Variants in MOG observed in about 807,000 individuals in gnomAD.
The protein encoded by MOG is myelin-oligodendrocyte glycoprotein.
A neutral mutation model predicts 35.9 loss-of-function variants in MOG; 20 were observed. The observed-to-expected ratio is 0.56, with a 90% CI of 0.39 to 0.81. The LOEUF (loss-of-function observed/expected upper bound fraction) is 0.81. Among genes scored for constraint, MOG ranks in the 30% least tolerant of loss-of-function variants. The probability of loss-of-function intolerance (pLI) is 0.00; values close to 1 mark genes in which losing one functional copy is unlikely to be tolerated. For missense variants in MOG, 251 were observed against 301.0 expected (o/e 0.83, Z 1.23); for synonymous variants, 92 against 114.3 (o/e 0.80, Z 1.25).
In MOG at chr6:29,670,851, G is replaced by A; in HGVS notation, c.730+130G>A. 6.3e-7 allele frequency: 1 copy of A among 1,580,002 alleles called. No individual in the cohort carries two copies. The highest frequency in any genetic ancestry group is 1.1e-5 in the South Asian group (1 of 87,538). ...GGAAAGGAGGAGCTGGAGAGCCTGG[G>A]TGGAGGGAAGACTCCTCCTGGGAGG... On this transcript the variant is annotated intron_variant, in intron 7 of 7. Transcript: ENST00000376917. This position sits in a 1 kb window ranked among gnomAD's most constrained non-coding sequence, Gnocchi z 4.2.
In MOG at chr6:29,669,528, TG is replaced by T. The variant is rs569429885; in HGVS notation, c.593-752del. ...CTGGTCTTGAACCCCTGACCTCAGG[TG>T]ATCTGCCTGCCTTGGCCTTCCAAAG... On this transcript the variant is annotated intron_variant, in intron 5 of 7. Transcript: ENST00000376917. Among the ~76,000 whole-genome samples the T allele has an allele frequency of 2.2e-3, 336 of 151,648 alleles. 8 individuals are homozygous for T. Among genetic ancestry groups the T allele is most frequent in the Middle Eastern group, 0.014 (4 of 290 alleles).
intron 5 of MOG, among the ~76,000 whole-genome samples, chr6:29,668,893 G>A (rs536988895): frequency 7.3e-5 from 11 of 151,132 alleles, no homozygotes; most frequent in African/African-American, 2.4e-4. Flanking sequence ...GTTATCAACC[G>A]ATAATCACAT....
intron 2 of MOG, among the ~76,000 whole-genome samples, chr6:29,660,270 C>T (rs1047646982): frequency 1.3e-4 from 19 of 151,736 alleles, no homozygotes; most frequent in African/African-American, 4.1e-4. Flanking sequence ...GCCTGTAATC[C>T]CAGCACTGTG....
intron 2 of MOG, among the ~76,000 whole-genome samples, chr6:29,663,590 G>T (rs993872744): frequency 9.9e-4 from 150 of 152,248 alleles, no homozygotes; most frequent in African/African-American, 3.5e-3. Context: ...AGATGTGGAG[G>T]TGCAATGACA....
rs776091726 is a variant in MOG at position 29,666,193 on chromosome 6, G to A, written c.478G>A (p.Ala160Thr). Reference sequence around the variant, plus strand: ...GAGCCCTGGAGTGCTGGTTCTCCTCGCGGTGCTGCCTGTGCTCCTCCTGCA... The same window carrying A: ...GAGCCCTGGAGTGCTGGTTCTCCTCACGGTGCTGCCTGTGCTCCTCCTGCA... ...WVSPGVLVLL[A>T]VLPVLLLQIT... Residue 160 changes from alanine to threonine, a missense_variant, in exon 3 of 8, where the codon GCG becomes ACG. Ala to Thr is a moderately conservative substitution (Grantham distance 58, BLOSUM62 0). Transcript: ENST00000376917. 2.5e-5 allele frequency: 41 copies of A among 1,612,772 alleles called. No individual in the cohort carries two copies. Among genetic ancestry groups the A allele is most frequent in the Admixed American group, 5.0e-5 (3 of 59,990 alleles).
Position 29,670,135 on chromosome 6 carries a change from C to G in MOG, c.593-146C>G. On this transcript the variant is annotated intron_variant, in intron 5 of 7. Coordinates refer to ENST00000376917, the MANE Select transcript of MOG (RefSeq NM_206809.4). This position sits in a 1 kb window ranked among gnomAD's most constrained non-coding sequence, Gnocchi z 4.2. ...TTGAAAATAAGGAGGCAGTACTTTT[C>G]TCATCCAAGTTCATGGACTTTCTGA... 2.2e-6 allele frequency: 3 copies of G among 1,359,146 alleles called. No individual in the cohort carries two copies. The highest frequency in any genetic ancestry group is 1.8e-4 in the Middle Eastern group (1 of 5,484). 84.2% of individuals were successfully genotyped at this position (1,359,146 alleles called of 1,614,324 possible).
At chr6:29,668,018 T>C in intron 5 of MOG, 94 bp downstream of exon 5, 6 of 1,151,646 alleles carry the variant, frequency 5.2e-6, no homozygotes, top group Non-Finnish European at 7.9e-6. Context: ...GGCTCCTGGT[T>C]GAGTCCCTTC....
chr6:29,659,816 C>T (rs1024028471), intron 2 of MOG, 150 bp downstream of exon 2: 2 of 706,456 alleles, frequency 2.8e-6, no homozygotes, highest in Admixed American at 4.4e-5. Flanking sequence ...GAAACTCATG[C>T]TTAGGGATGT....
chr6:29,659,239 G>A (rs1767917298), intron 1 of MOG, 80 bp from the exon 2 acceptor site: 2 of 1,324,618 alleles, frequency 1.5e-6, no homozygotes, highest in African/African-American at 1.4e-5. Context: ...TCCCTGTTTT[G>A]AAGCAGCCCT....
intron 2 of MOG, among the ~76,000 whole-genome samples, chr6:29,661,080 T>A (rs1388175361): frequency 6.6e-6 from 1 of 152,176 alleles, no homozygotes; most frequent in Non-Finnish European, 1.5e-5. Context: ...TATCGCAGGA[T>A]GATTAAGATG....
rs115665861 is a variant in MOG at position 29,671,639 on chromosome 6, G to C, written c.*454G>C. The stretch of plus-strand genomic sequence containing the variant: ...CGCAAAACTGAAAGGCATGTGAAGG[G>C]AAGGAAGAGGAAGAGTGCAAAACAT... On this transcript the variant is annotated 3_prime_UTR_variant, in exon 8 of 8. Transcript: ENST00000376917. 3.2e-6 allele frequency: 2 copies of C among 629,866 alleles called. No individual in the cohort carries two copies. The highest frequency in any genetic ancestry group is 3.7e-5 in the South Asian group (2 of 53,590). The allele number at this position is 629,866 out of a possible 1,614,324, so 39.0% of individuals were successfully genotyped here. A position where few individuals can be genotyped will look rare whatever the true frequency, so the allele number is the denominator to read the frequency against.
chr6:29,666,157 T>G lies in MOG; in HGVS notation c.442T>G (p.Phe148Val), dbSNP rs755254365. 6.2e-7 allele frequency: 1 copy of G among 1,610,532 alleles called. No homozygotes were observed. Among genetic ancestry groups the G allele is most frequent in the Non-Finnish European group, 8.5e-7 (1 of 1,177,792 alleles). The stretch of plus-strand genomic sequence containing the variant: ...ATGTCAGTCCTGCCTTTCAGATCCT[T>G]TCTACTGGGTGAGCCCTGGAGTGCT... Reference protein sequence around the residue: ...AAMELKVEDPFYWVSPGVLVL... With the variant: ...AAMELKVEDPVYWVSPGVLVL... Residue 148 changes from phenylalanine to valine, a missense_variant, in exon 3 of 8, where the codon TTC (phenylalanine) becomes GTC (valine). Phe to Val is a conservative substitution (Grantham distance 50). Coordinates refer to ENST00000376917, the MANE Select transcript of MOG (RefSeq NM_206809.4).
At chr6:29,667,093 C>T (rs1185412650) in intron 3 of MOG, among the ~76,000 whole-genome samples, 1 of 152,198 alleles carries the variant, frequency 6.6e-6, no homozygotes, top group Non-Finnish European at 1.5e-5. Flanking sequence ...GTCAGGCAGC[C>T]TGGGTTTGAA....
rs1771493944 is a variant in MOG at position 29,671,708 on chromosome 6, C to A, written c.*523C>A. On this transcript the variant is annotated 3_prime_UTR_variant, in exon 8 of 8. Transcript: ENST00000376917. ...AGCTGAAGAGTGAGGATATGAGTAG[C>A]CCCAACCCAAACCTGGAGATGGGGA... The A allele has an allele frequency of 1.8e-6, 1 of 569,858 alleles. No homozygotes were observed. The highest frequency in any genetic ancestry group is 3.1e-6 in the Non-Finnish European group (1 of 321,208). The allele number at this position is 569,858 out of a possible 1,614,324, so 35.3% of individuals were successfully genotyped here.
chr6:29,661,353 T>C (rs1562184939), intron 2 of MOG: 1 of 984,612 alleles, frequency 1.0e-6, no homozygotes, highest in Non-Finnish European at 1.2e-6. Context: ...GGAAATAGCT[T>C]TATGTGTCTC....
At position 29,662,338 on chromosome 6, in the gene MOG, G is replaced by C; in HGVS notation, c.436+2672G>C. 1 of 216,194 alleles carries C rather than the reference G, an allele frequency of 4.6e-6. No individual in the cohort carries two copies. The highest frequency in any genetic ancestry group is 7.9e-6 in the Non-Finnish European group (1 of 126,726). The allele number at this position is 216,194 out of a possible 1,614,324, so 13.4% of individuals were successfully genotyped here. A position where few individuals can be genotyped will look rare whatever the true frequency, so the allele number is the denominator to read the frequency against. On this transcript the variant is annotated intron_variant, in intron 2 of 7. Coordinates refer to ENST00000376917, the MANE Select transcript of MOG (RefSeq NM_206809.4). The surrounding 1 kb of genome is among the most constrained non-coding windows in gnomAD (Gnocchi z 4.2). ...GTCTCTACTAAAAAATACAAAATTA[G>C]CTAGGCGTGGTGGCACATGCCAGTA...
In MOG at chr6:29,670,722, G is replaced by A. The variant is rs868027257; in HGVS notation, c.730+1G>A. ...TCAGGGCAATTCCTTGAAGAGCTAC[G>A]TAAGTTCTCTTCTCTCTGTTATAAG... On this transcript the variant is annotated splice_donor_variant, in intron 7 of 7. Coordinates refer to ENST00000376917, the MANE Select transcript of MOG (RefSeq NM_206809.4). LOFTEE classifies it high-confidence loss of function. This position sits in a 1 kb window ranked among gnomAD's most constrained non-coding sequence, Gnocchi z 4.2. 12 of 1,612,206 alleles carry A rather than the reference G, an allele frequency of 7.4e-6. No individual in the cohort carries two copies. Among genetic ancestry groups the A allele is most frequent in the Non-Finnish European group, 1.0e-5 (12 of 1,179,544 alleles).
At chr6:29,663,691 T>C (rs949690935) in intron 2 of MOG, among the ~76,000 whole-genome samples, 1 of 152,236 alleles carries the variant, frequency 6.6e-6, no homozygotes, top group Non-Finnish European at 1.5e-5. Context: ...AATGTCTGCT[T>C]TTCTCTCTTT....
chr6:29,670,216 AG>A lies in MOG; in HGVS notation c.593-64del. ...GGACCCCAGGTTAAGGAACCAAAAA[AG>A]ACAGGTGGGTGGGGCATGAGGGGGA... On this transcript the variant is annotated intron_variant, in intron 5 of 7. Coordinates refer to ENST00000376917, the MANE Select transcript of MOG (RefSeq NM_206809.4). The surrounding 1 kb of genome is among the most constrained non-coding windows in gnomAD (Gnocchi z 4.2). 1 of 1,614,232 alleles carries A rather than the reference AG, an allele frequency of 6.2e-7. No homozygotes were observed.
Sources: allele counts gnomAD v4.1 joint callset (sites outside exome capture counted in the v4.1 genomes callset), GRCh38; gene constraint gnomAD v4.1.1; non-coding constraint Gnocchi (gnomAD v3.1); transcripts MANE v1.5; gene names NCBI Gene and HGNC (gene_info 2026-07-23, HGNC 2026-07-21).